Variants in ARHGEF12 observed in about 807,000 individuals in gnomAD.
The protein encoded by ARHGEF12 is KMT2A/ARHGEF12 fusion protein.
ARHGEF12 carries 66 observed loss-of-function variants against 211.2 expected under a neutral mutation model. The ratio of observed to expected loss-of-function variants is 0.31; its 90% confidence interval spans 0.26 to 0.38. The LOEUF (loss-of-function observed/expected upper bound fraction) is 0.38. Ranked by LOEUF, ARHGEF12 falls within the 10% of genes least tolerant of loss-of-function variation. The pLI is 1.00. For synonymous variants in ARHGEF12, 592 were observed against 638.4 expected, an observed-to-expected ratio of 0.93 and a Z score of 1.09; for missense variants, 1,429 against 1,869.5, an observed-to-expected ratio of 0.76 and a Z score of 4.34.
In ARHGEF12 at chr11:120,440,229, C is replaced by CT. The variant is rs755954062; in HGVS notation, c.1092+14dup. On this transcript the variant is annotated intron_variant, in intron 13 of 40. Coordinates refer to ENST00000397843, the MANE Select transcript of ARHGEF12 (RefSeq NM_015313.3). ...GGTACTGAACATGAACAGGTGATGA[C>CT]TTTTTTCTTTCTAAAAAATAGATTG... 1 of 1,596,572 alleles carries CT rather than the reference C, an allele frequency of 6.3e-7. No individual in the cohort carries two copies. The highest frequency in any genetic ancestry group is 8.5e-7 in the Non-Finnish European group (1 of 1,169,658).
At chr11:120,476,559 C>G in intron 33 of ARHGEF12, 102 bp from the exon 34 acceptor site, 1 of 664,822 alleles carries the variant, frequency 1.5e-6, no homozygotes, top group East Asian at 2.8e-5. Context: ...TATATGTAAC[C>G]TTTATCTAGT....
intron 39 of ARHGEF12, among the ~76,000 whole-genome samples, chr11:120,482,264 A>G (rs547508791): frequency 5.3e-4 from 80 of 152,316 alleles, no homozygotes; most frequent in South Asian, 2.5e-3. Context: ...TCTGTAGCCT[A>G]TTATCTGTGA....
Position 120,475,606 on chromosome 11 carries a change from G to T in ARHGEF12, c.3277+99G>T, listed in dbSNP as rs1317962851. 4 of 1,255,994 alleles carry T rather than the reference G, an allele frequency of 3.2e-6. No individual in the cohort carries two copies. In the African/African-American group the frequency reaches 4.5e-5, roughly 14 times the overall value. The allele number at this position is 1,255,994 out of a possible 1,614,324, so 77.8% of individuals were successfully genotyped here. On this transcript the variant is annotated intron_variant, in intron 33 of 40. Coordinates refer to ENST00000397843, the MANE Select transcript of ARHGEF12 (RefSeq NM_015313.3). Reference sequence around the variant, plus strand: ...AATAACACAAGTGGCATAGAGTCTTGCTATTTTTATATTCTTAAGCAAATT... The same window carrying T: ...AATAACACAAGTGGCATAGAGTCTTTCTATTTTTATATTCTTAAGCAAATT...
At chr11:120,426,862 T>A (rs1945359633) in intron 7 of ARHGEF12, among the ~76,000 whole-genome samples, 2 of 145,020 alleles carry the variant, frequency 1.4e-5, no homozygotes, top group African/African-American at 5.3e-5. Flanking sequence ...ATTATGGTGT[T>A]TTTTTTTGTT....
Position 120,409,441 on chromosome 11 carries a change from G to A in ARHGEF12, c.190G>A (p.Glu64Lys), listed in dbSNP as rs200569458. ...GTCTAGTTCAGAGGAGAGTAGATCC[G>A]AGATATATGGTAAGCTAATGTAGCT... Reference protein sequence around the residue: ...TKSSSEESRSEIYGLVQRCVI... With the variant: ...TKSSSEESRSKIYGLVQRCVI... The change falls in exon 4 of 41, where the codon GAG becomes AAG. Residue 64 changes from glutamate (E) to lysine (K), a missense_variant. Glu to Lys is a moderately conservative substitution (Grantham distance 56, BLOSUM62 1). Around this residue, in one of 7 missense-constraint regions of ARHGEF12, gnomAD observed 60 missense variants for 121.0 expected, o/e 0.50. Coordinates refer to ENST00000397843, the MANE Select transcript of ARHGEF12 (RefSeq NM_015313.3). 68 of 1,613,722 alleles carry A rather than the reference G, an allele frequency of 4.2e-5. No individual in the cohort carries two copies. The highest frequency in any genetic ancestry group is 1.6e-4 in the Middle Eastern group (1 of 6,062).
rs750389278 is a variant in ARHGEF12 at position 120,469,403 on chromosome 11, CAAG to C, written c.2955+19_2955+21del. 52 of 1,577,032 alleles carry C rather than the reference CAAG, an allele frequency of 3.3e-5. No individual in the cohort carries two copies. The highest frequency in any genetic ancestry group is 1.7e-4 in the Middle Eastern group (1 of 5,988). On this transcript the variant is annotated intron_variant, in intron 30 of 40. Coordinates refer to ENST00000397843, the MANE Select transcript of ARHGEF12 (RefSeq NM_015313.3). ...AAAACAAGCAGGTAAAAAAGGAAAA[CAAG>C]AAGGTACAGGATGACATTGGGAGAA...
In ARHGEF12 at chr11:120,470,361, T is replaced by C. The variant is rs776328066; in HGVS notation, c.2955+973T>C. On this transcript the variant is annotated intron_variant, in intron 30 of 40. Transcript: ENST00000397843. ...AAAATTGACAGGACTTGATGACTGA[T>C]TTGAAGAAGGATTTGAAGGAAAAGT... Among the ~76,000 whole-genome samples the C allele has an allele frequency of 1.1e-4, 16 of 152,122 alleles. 1 individual carries two copies. Among genetic ancestry groups the C allele is most frequent in the Non-Finnish European group, 1.6e-4 (11 of 68,018 alleles).
rs71050743 is a variant in ARHGEF12, at chr11:120,399,321, CAAAAAAAAAAAAAA to C, written c.33-6780_33-6767del. Among the ~76,000 whole-genome samples the C allele has an allele frequency of 1.2e-3, 42 of 36,504 alleles. 1 individual carries two copies. The highest frequency in any genetic ancestry group is 4.6e-3 in the South Asian group (3 of 658). 23.9% of individuals were successfully genotyped at this position (36,504 alleles called of 152,430 possible). ...GAGTGAGAGAGTGAGACATTGTCTCCAAAAAAAAAAAAAAAAAAAAAAAAAAAAAAGAAAAGAAA... is the reference window on the plus strand; with the variant it reads ...GAGTGAGAGAGTGAGACATTGTCTCCAAAAAAAAAAAAAAAAGAAAAGAAA... On this transcript the variant is annotated intron_variant, in intron 1 of 40. Coordinates refer to ENST00000397843, the MANE Select transcript of ARHGEF12 (RefSeq NM_015313.3).
Position 120,459,208 on chromosome 11 carries a change from A to T in ARHGEF12, c.2415A>T (p.Thr805=), listed in dbSNP as rs1156857778. 6.8e-6 allele frequency: 11 copies of T among 1,613,394 alleles called. No homozygotes were observed. The highest frequency in any genetic ancestry group is 8.5e-6 in the Non-Finnish European group (10 of 1,179,720). Residue 805 remains threonine (T), a synonymous_variant, in exon 26 of 41, where the codon ACA becomes ACT. Transcript: ENST00000397843. ...LFYTERAHVR[T]LKVLDQVFYQ... is the part of the protein sequence containing the mutation. Reference sequence around the variant, plus strand: ...ACACTGAAAGAGCTCATGTTCGAACACTGAAGGTTCTTGATCAAGTGTTCT... The same window carrying T: ...ACACTGAAAGAGCTCATGTTCGAACTCTGAAGGTTCTTGATCAAGTGTTCT...
intron 21 of ARHGEF12, chr11:120,451,166 ATTATTTTAT>A (rs1294017220): frequency 1.1e-5 from 2 of 178,772 alleles, no homozygotes; most frequent in East Asian, 2.9e-4. Flanking sequence ...TGCAATGCAG[ATTATTTTAT>A]TTATTTTATT....
intron 20 of ARHGEF12, 116 bp from the exon 21 acceptor site, chr11:120,448,993 G>T (rs1273891626): frequency 3.7e-6 from 3 of 812,438 alleles, no homozygotes; most frequent in Admixed American, 4.8e-5. Context: ...ACACGTGTAC[G>T]GGTTTTCATT....
At chr11:120,379,857 T>C (rs1378823227) in intron 1 of ARHGEF12, among the ~76,000 whole-genome samples, 1 of 152,138 alleles carries the variant, frequency 6.6e-6, no homozygotes. Flanking sequence ...ATAGATTTGG[T>C]TTACTAATAT....
In ARHGEF12 at chr11:120,473,031, C is replaced by T. The variant is rs536733909; in HGVS notation, c.2956-19C>T. On this transcript the variant is annotated intron_variant, in intron 30 of 40. Transcript: ENST00000397843. Reference sequence around the variant, plus strand: ...ATGACCAAAGCACTAACCTTGGTTCCACCCTGCCTAATTTTCAGCGCCTAG... The same window carrying T: ...ATGACCAAAGCACTAACCTTGGTTCTACCCTGCCTAATTTTCAGCGCCTAG... 5.0e-6 allele frequency: 8 copies of T among 1,612,202 alleles called. No homozygotes were observed. In the South Asian group the frequency reaches 7.7e-5, roughly 15 times the overall value.
intron 3 of ARHGEF12, chr11:120,408,444 C>G (rs1330019208): frequency 1.3e-5 from 2 of 152,054 alleles, no homozygotes; most frequent in Non-Finnish European, 2.9e-5. Flanking sequence ...TTTGCTTTCT[C>G]CTTGTAAGCT....
chr11:120,366,974 TC>T (rs1441433890), intron 1 of ARHGEF12, among the ~76,000 whole-genome samples: 1 of 151,712 alleles, frequency 6.6e-6, no homozygotes, highest in Admixed American at 6.6e-5. Flanking sequence ...CGAGATTGTG[TC>T]ACTGCACTCC....
At chr11:120,411,261 A>T (rs1333855939) in intron 4 of ARHGEF12, 2 of 152,142 alleles carry the variant, frequency 1.3e-5, no homozygotes, top group East Asian at 3.9e-4. Flanking sequence ...CATCGGAGGG[A>T]TGAGTTGATT....
intron 11 of ARHGEF12, among the ~76,000 whole-genome samples, chr11:120,432,471 T>C (rs1945578018): frequency 6.6e-6 from 1 of 152,218 alleles, no homozygotes; most frequent in South Asian, 2.1e-4. Flanking sequence ...CATAGACATA[T>C]GAATACCTAA....
At chr11:120,420,954 A>G in intron 5 of ARHGEF12, 103 bp downstream of exon 5, 1 of 988,936 alleles carries the variant, frequency 1.0e-6, no homozygotes. Context: ...CATAGATTGC[A>G]GGTCATGTGG....
chr11:120,438,022 T>C (rs1009533660), intron 12 of ARHGEF12, among the ~76,000 whole-genome samples: 3 of 152,248 alleles, frequency 2.0e-5, no homozygotes, highest in African/African-American at 7.2e-5. Flanking sequence ...ATTGTGAATA[T>C]GCTGCCTTGC....
Sources: allele counts gnomAD v4.1 joint callset (sites outside exome capture counted in the v4.1 genomes callset), GRCh38; gene constraint gnomAD v4.1.1; regional missense constraint gnomAD v4.1.1; transcripts MANE v1.5; gene names NCBI Gene and HGNC (gene_info 2026-07-23, HGNC 2026-07-21).